The following ZNF333 variants were observed in gnomAD, a reference collection of about 807,000 sequenced individuals.
The protein encoded by ZNF333 is zinc finger protein 333.
Under a neutral mutation model 76.1 loss-of-function variants are expected in ZNF333, and 61 were observed. The observed-to-expected ratio is 0.80, with a 90% confidence interval of 0.65 to 0.99. The LOEUF is 0.99. Ranked by LOEUF, ZNF333 falls within the 50% of genes least tolerant of loss-of-function variation. The pLI, the probability that ZNF333 is intolerant of heterozygous loss-of-function variation, is 0.00. For missense variants in ZNF333, 717 were observed against 822.4 expected (o/e 0.87, Z 1.57); for synonymous variants, 284 against 305.0 (o/e 0.93, Z 0.72).
Position 14,720,695 on chromosome 19 carries a change from C to T in ZNF333, c.*1370C>T. On this transcript the variant is annotated 3_prime_UTR_variant, in exon 12 of 12. Transcript: ENST00000292530. The stretch of plus-strand genomic sequence containing the variant: ...TATATGTCAGTTTTTATAAATGCTT[C>T]ATGGATGGTTGAAATCAATGTATTG... The T allele has an allele frequency of 6.1e-6, 6 of 985,290 alleles. No homozygotes were observed. The highest frequency in any genetic ancestry group is 7.2e-6 in the Non-Finnish European group (6 of 829,900). The allele number at this position is 985,290 out of a possible 1,614,324, so 61.0% of individuals were successfully genotyped here.
At chr19:14,703,929 C>T (rs77867796) in intron 5 of ZNF333, among the ~76,000 whole-genome samples, 4,574 of 152,186 alleles carry the variant, frequency 0.03, 101 homozygotes, top group East Asian at 0.093. Context: ...CAAGATCTCC[C>T]GACCTTGCTT....
intron 7 of ZNF333, 40 bp from the exon 8 acceptor site, chr19:14,715,342 G>A: frequency 1.3e-6 from 2 of 1,587,478 alleles, no homozygotes; most frequent in Non-Finnish European, 1.7e-6. Flanking sequence ...TGCCCAGTAG[G>A]CCAGGCACCA....
rs1309776887 is a variant in ZNF333 at position 14,718,152 on chromosome 19, AC to A, written c.901-75del. On this transcript the variant is annotated intron_variant, in intron 11 of 11. Coordinates refer to ENST00000292530, the MANE Select transcript of ZNF333 (RefSeq NM_032433.4). ...TCAGATATAGAACTGTCTTTTTCTT[AC>A]ATTCATTTCACATAGGGGAGAATAT... The A allele has an allele frequency of 2.1e-5, 32 of 1,519,482 alleles. No individual in the cohort carries two copies. In the Admixed American group the frequency reaches 7.1e-4, roughly 34 times the overall value. 94.1% of individuals were successfully genotyped at this position (1,519,482 alleles called of 1,614,324 possible).
intron 5 of ZNF333, among the ~76,000 whole-genome samples, chr19:14,699,730 AGAAGGTTTCCT>A (rs1164737302): frequency 6.6e-6 from 1 of 151,840 alleles, no homozygotes; most frequent in Non-Finnish European, 1.5e-5. Flanking sequence ...CTTTTTTTCT[AGAAGGTTTCCT>A]GAAGGAAACA....
chr19:14,719,475 C>A lies in ZNF333; in HGVS notation c.*150C>A. The stretch of plus-strand genomic sequence containing the variant: ...CCTCCATTATCGTTTATTCTTTGAC[C>A]CATCTATTATTTGGAATTAGATTTT... On this transcript the variant is annotated 3_prime_UTR_variant, in exon 12 of 12. Coordinates refer to ENST00000292530, the MANE Select transcript of ZNF333 (RefSeq NM_032433.4). The A allele has an allele frequency of 9.0e-7, 1 of 1,106,750 alleles. No homozygotes were observed. The highest frequency in any genetic ancestry group is 1.2e-6 in the Non-Finnish European group (1 of 810,298). The allele number at this position is 1,106,750 out of a possible 1,614,324, so 68.6% of individuals were successfully genotyped here. A position where few individuals can be genotyped will look rare whatever the true frequency, so the allele number is the denominator to read the frequency against.
intron 4 of ZNF333, among the ~76,000 whole-genome samples, chr19:14,698,893 A>AAT (rs1555771012): frequency 4.5e-4 from 51 of 113,100 alleles, no homozygotes; most frequent in Admixed American, 1.3e-3. Context: ...CACACACACA[A>AAT]ATATAGATAT....
intron 6 of ZNF333, among the ~76,000 whole-genome samples, chr19:14,705,772 G>T (rs924768817): frequency 6.6e-6 from 1 of 152,208 alleles, no homozygotes; most frequent in African/African-American, 2.4e-5. Context: ...AACTGTGCAT[G>T]CGAGGGATCT....
At position 14,715,366 on chromosome 19, in the gene ZNF333, T is replaced by C. The variant is rs375177381; in HGVS notation, c.512-16T>C. On this transcript the variant is annotated splice_polypyrimidine_tract_variant and intron_variant, in intron 7 of 11. Transcript: ENST00000292530. ...GGCCAGGCACCAACCCTCATGCCTC[T>C]TCCCTTCTCCCCTAGCTGTGCCTGC... The C allele has an allele frequency of 6.6e-4, 1,057 of 1,612,922 alleles. 1 individual carries two copies. The highest frequency in any genetic ancestry group is 8.6e-4 in the Non-Finnish European group (1,017 of 1,179,492).
At chr19:14,695,866 A>G (rs1973141845) in intron 4 of ZNF333, among the ~76,000 whole-genome samples, 1 of 152,032 alleles carries the variant, frequency 6.6e-6, no homozygotes, top group South Asian at 2.1e-4. Context: ...TCAGAAAAAG[A>G]TTTGTTCTAA....
intron 7 of ZNF333, chr19:14,708,664 A>G: frequency 3.1e-6 from 1 of 323,710 alleles, no homozygotes; most frequent in South Asian, 1.6e-4. Context: ...CCTGGCCTCA[A>G]CTCACTAGAT....
chr19:14,698,929 TATATATAC>T (rs890827161), intron 4 of ZNF333, among the ~76,000 whole-genome samples: 5 of 137,608 alleles, frequency 3.6e-5, no homozygotes, highest in African/African-American at 1.4e-4. Flanking sequence ...TATATATATA[TATATATAC>T]ACACATATAT....
Position 14,706,715 on chromosome 19 carries a change from G to C in ZNF333, c.453G>C (p.Arg151Ser). ...TGAAGGCCGCTATGCAGATTCAGAG[G>C]GTGGTGATACCAGTGCCTACTCTGG... ...TGLKAAMQIQ[R>S]VVIPVPTLGH... The change falls in exon 7 of 12, where the codon AGG becomes AGC. Residue 151 changes from arginine (R) to serine (S), a missense_variant. Transcript: ENST00000292530. 4 of 1,614,066 alleles carry C rather than the reference G, an allele frequency of 2.5e-6. No individual in the cohort carries two copies. The highest frequency in any genetic ancestry group is 3.4e-6 in the Non-Finnish European group (4 of 1,179,996).
chr19:14,717,121 TC>T (rs753338810), intron 10 of ZNF333, 32 bp downstream of exon 10: 1 of 1,567,970 alleles, frequency 6.4e-7, no homozygotes, highest in East Asian at 2.3e-5. Flanking sequence ...GAGCATCAGC[TC>T]TGGTCAGTAA....
intron 11 of ZNF333, among the ~76,000 whole-genome samples, chr19:14,729,018 G>A (rs769986670): frequency 6.6e-6 from 1 of 152,178 alleles, no homozygotes; most frequent in African/African-American, 2.4e-5. Flanking sequence ...GGGACGTGCA[G>A]TTTTGAAGGG....
At chr19:14,710,995 G>A (rs969154179) in intron 7 of ZNF333, among the ~76,000 whole-genome samples, 1 of 151,918 alleles carries the variant, frequency 6.6e-6, no homozygotes, top group Non-Finnish European at 1.5e-5. Flanking sequence ...GGAAGGGAAG[G>A]GGGAAAGGTG....
At chr19:14,693,404 C>A in intron 1 of ZNF333, 47 bp from the exon 2 acceptor site, 2 of 1,488,978 alleles carry the variant, frequency 1.3e-6, no homozygotes, top group Non-Finnish European at 1.8e-6. Context: ...AAATGCTCTG[C>A]TTCCGTCCTC....
chr19:14,694,412 G>T (rs914624776), intron 2 of ZNF333, among the ~76,000 whole-genome samples: 1 of 151,960 alleles, frequency 6.6e-6, no homozygotes, highest in Non-Finnish European at 1.5e-5. Flanking sequence ...GGTGAAGGTT[G>T]CAGTGAGCCG....
At chr19:14,729,389 C>T (rs2042654115) in intron 11 of ZNF333, among the ~76,000 whole-genome samples, 1 of 151,428 alleles carries the variant, frequency 6.6e-6, no homozygotes, top group Non-Finnish European at 1.5e-5. Flanking sequence ...GAGACAGGGT[C>T]TAATTGTTGT....
chr19:14,707,741 C>T (rs1308307631), intron 7 of ZNF333, among the ~76,000 whole-genome samples: 21 of 150,298 alleles, frequency 1.4e-4, no homozygotes, highest in Admixed American at 7.3e-4. Context: ...TTAGTAGAGA[C>T]GGGGTTTCAC....
Sources: gnomAD v4.1 joint callset for allele counts (sites outside exome capture counted in the v4.1 genomes callset) on GRCh38, gnomAD v4.1.1 for gene constraint, MANE v1.5 for transcripts, NCBI Gene and HGNC (gene_info 2026-07-23, HGNC 2026-07-21) for gene names.